Variants in DOP1B observed in about 807,000 individuals in gnomAD.
DOP1B encodes protein DOP1B.
A neutral mutation model predicts 233.5 loss-of-function variants in DOP1B; 174 were observed. That is an observed-to-expected ratio of 0.75 (90% confidence interval 0.66 to 0.85). The LOEUF (loss-of-function observed/expected upper bound fraction) is 0.85, where lower values mean the gene tolerates loss of function less well. Among genes scored for constraint, DOP1B ranks in the 40% least tolerant of loss-of-function variants. The pLI is 0.00. For missense variants in DOP1B, 2,652 were observed against 2,846.6 expected, an observed-to-expected ratio of 0.93 and a Z score of 1.56; for synonymous variants, 1,190 against 1,185.6, an observed-to-expected ratio of 1.00 and a Z score of -0.08.
chr21:36,191,598 C>T (rs1259863028), intron 2 of DOP1B, among the ~76,000 whole-genome samples: 2 of 152,114 alleles, frequency 1.3e-5, no homozygotes, highest in African/African-American at 4.8e-5. Context: ...CCAATCTGGC[C>T]AACATAGTGA....
intron 13 of DOP1B, among the ~76,000 whole-genome samples, chr21:36,228,714 C>T (rs531430899): frequency 3.3e-5 from 5 of 151,538 alleles, no homozygotes; most frequent in African/African-American, 4.8e-5. Context: ...TGCAGTGAGC[C>T]GAGATAGTGC....
intron 12 of DOP1B, among the ~76,000 whole-genome samples, chr21:36,226,982 G>A (rs1439777276): frequency 6.6e-6 from 1 of 151,998 alleles, no homozygotes; most frequent in Non-Finnish European, 1.5e-5. Context: ...GAGGTGGGCG[G>A]ATCACAAGGT....
At chr21:36,166,935 A>C (rs1052888484) in intron 2 of DOP1B, among the ~76,000 whole-genome samples, 3 of 152,216 alleles carry the variant, frequency 2.0e-5, no homozygotes, top group Non-Finnish European at 2.9e-5. Context: ...GGGGTGGATA[A>C]ATGTTTCTAA....
At chr21:36,195,710 A>T (rs968009238) in intron 2 of DOP1B, among the ~76,000 whole-genome samples, 3 of 152,372 alleles carry the variant, frequency 2.0e-5, no homozygotes, top group Admixed American at 6.5e-5. Flanking sequence ...TTAATTTGAA[A>T]TGAGTGGTTG....
chr21:36,273,173 G>T (rs2067309751), intron 27 of DOP1B, among the ~76,000 whole-genome samples: 1 of 151,922 alleles, frequency 6.6e-6, no homozygotes, highest in Admixed American at 6.6e-5. Context: ...TTGGGAGGCT[G>T]AGGTGGGCAG....
chr21:36,202,815 T>C (rs1325469702), intron 4 of DOP1B, among the ~76,000 whole-genome samples: 2 of 152,042 alleles, frequency 1.3e-5, no homozygotes, highest in Non-Finnish European at 1.5e-5. Context: ...ACTCGGTAAG[T>C]GTGTGTTGAG....
intron 2 of DOP1B, among the ~76,000 whole-genome samples, chr21:36,171,023 A>G: frequency 6.6e-6 from 1 of 152,234 alleles, no homozygotes; most frequent in East Asian, 1.9e-4. Flanking sequence ...TGGAGAGCTC[A>G]CTGCGTGCTA....
chr21:36,204,870 G>T (rs2066410294), intron 4 of DOP1B, among the ~76,000 whole-genome samples: 1 of 151,972 alleles, frequency 6.6e-6, no homozygotes, highest in Non-Finnish European at 1.5e-5. Context: ...GGCCAGGCTG[G>T]TCTTGAACTC....
chr21:36,223,921 T>A (rs1639079445), intron 11 of DOP1B, among the ~76,000 whole-genome samples: 1 of 152,102 alleles, frequency 6.6e-6, no homozygotes, highest in Non-Finnish European at 1.5e-5. Flanking sequence ...AGGTCATGTC[T>A]CAAACCCTGT....
chr21:36,258,116 T>G, intron 23 of DOP1B, among the ~76,000 whole-genome samples: 1 of 151,998 alleles, frequency 6.6e-6, no homozygotes, highest in Non-Finnish European at 1.5e-5. Flanking sequence ...TAGATAGATA[T>G]TATGATTTTA....
chr21:36,188,404 A>G (rs1449140148), intron 2 of DOP1B, among the ~76,000 whole-genome samples: 2 of 152,158 alleles, frequency 1.3e-5, no homozygotes, highest in Non-Finnish European at 2.9e-5. Context: ...CAAGCTGGCA[A>G]AGCAACCGGG....
Position 36,263,595 on chromosome 21 carries a change from T to C in DOP1B, c.5365T>C (p.Leu1789=), listed in dbSNP as rs922363708. 4 of 1,614,100 alleles carry C rather than the reference T, an allele frequency of 2.5e-6. No individual in the cohort carries two copies. Among genetic ancestry groups the C allele is most frequent in the African/African-American group, 2.7e-5 (2 of 74,926 alleles). The part of the protein sequence containing the change: ...QENFSSLLGV[L]KESVQLNLAP... Reference sequence around the variant, plus strand: ...GAACTTTTCTTCACTGTTGGGAGTATTGAAAGAGTCTGTACAGTTGAATCT... The same window carrying C: ...GAACTTTTCTTCACTGTTGGGAGTACTGAAAGAGTCTGTACAGTTGAATCT... Residue 1789 remains leucine (L), a synonymous_variant, in exon 25 of 37, where the codon TTG becomes CTG. Transcript: ENST00000691173.
At chr21:36,251,337 C>T in intron 22 of DOP1B, 53 bp downstream of exon 22, 1 of 1,571,918 alleles carries the variant, frequency 6.4e-7, no homozygotes, top group Non-Finnish European at 8.6e-7. Flanking sequence ...CAAAGAAATA[C>T]CACAGAATCA....
chr21:36,170,126 A>G (rs781294435), intron 2 of DOP1B: 6 of 557,568 alleles, frequency 1.1e-5, no homozygotes, highest in South Asian at 1.7e-5. Flanking sequence ...CTTCACTCCT[A>G]TGGCAGGAAG....
chr21:36,190,961 G>A (rs1309258456), intron 2 of DOP1B, among the ~76,000 whole-genome samples: 1 of 152,174 alleles, frequency 6.6e-6, no homozygotes, highest in Non-Finnish European at 1.5e-5. Flanking sequence ...CCGGGAGAGG[G>A]ATGACAGTGA....
chr21:36,158,448 C>G (rs2065839965), intron 1 of DOP1B, among the ~76,000 whole-genome samples: 1 of 152,122 alleles, frequency 6.6e-6, no homozygotes, highest in Admixed American at 6.6e-5. Flanking sequence ...TCCGAATGGC[C>G]TGACTTCTAA....
In DOP1B at chr21:36,244,019, C is replaced by CTTTTTT. The variant is rs35020490; in HGVS notation, c.3068-1009_3068-1004dup. Among the ~76,000 whole-genome samples the CTTTTTT allele has an allele frequency of 2.0e-3, 142 of 70,594 alleles. 3 individuals are homozygous for CTTTTTT. The highest frequency in any genetic ancestry group is 4.3e-3 in the African/African-American group (71 of 16,494). The allele number at this position is 70,594 out of a possible 152,430, so 46.3% of individuals were successfully genotyped here. On this transcript the variant is annotated intron_variant, in intron 18 of 36. Transcript: ENST00000691173. ...TGTACCTGGCCTGATTTTTCCTTTC[C>CTTTTTT]TTTTTTTTTTTTTTTTTTTTTTTTT...
rs748543696 is a variant in DOP1B, at chr21:36,263,795, A to C, written c.5468A>C (p.Lys1823Thr). The C allele has an allele frequency of 1.1e-5, 17 of 1,614,120 alleles. No individual in the cohort carries two copies. The highest frequency in any genetic ancestry group is 4.5e-5 in the East Asian group (2 of 44,904). The change falls in exon 26 of 37, where the codon AAG becomes ACG. Residue 1823 changes from lysine to threonine, a missense_variant. Lys to Thr is a moderately conservative substitution (Grantham distance 78). This residue lies in a region of DOP1B where 2,617 missense variants were observed against 2,794.3 expected (regional missense o/e 0.94). Transcript: ENST00000691173. Reference protein sequence around the residue: ...VTRTPNLENKKDQKDLQEITQ... With the variant: ...VTRTPNLENKTDQKDLQEITQ... The stretch of plus-strand genomic sequence containing the variant: ...AGAACTCCCAACCTGGAAAACAAGA[A>C]GGACCAAAAAGACCTGCAGGTTTGT...
At chr21:36,266,536 G>A (rs1315115701) in intron 26 of DOP1B, among the ~76,000 whole-genome samples, 3 of 152,222 alleles carry the variant, frequency 2.0e-5, no homozygotes, top group Non-Finnish European at 2.9e-5. Context: ...GGCAAGGTAC[G>A]TGGGAAGGGG....
Sources: gnomAD v4.1 joint callset for allele counts (sites outside exome capture counted in the v4.1 genomes callset) on GRCh38, gnomAD v4.1.1 for gene constraint, gnomAD v4.1.1 regional missense constraint, MANE v1.5 for transcripts, NCBI Gene and HGNC (gene_info 2026-07-23, HGNC 2026-07-21) for gene names.